SLC4A4: variants seen among roughly 807,000 people sequenced by gnomAD.
SLC4A4 encodes electrogenic sodium bicarbonate cotransporter 1.
Under a neutral mutation model 111.5 loss-of-function variants are expected in SLC4A4, and 27 were observed. The observed-to-expected ratio is 0.24, with a 90% CI of 0.18 to 0.33. The LOEUF (loss-of-function observed/expected upper bound fraction) is 0.33. Among genes scored for constraint, SLC4A4 ranks in the 10% least tolerant of loss-of-function variants. SLC4A4 has a pLI of 1.00. For missense variants in SLC4A4, 909 were observed against 1,315.5 expected (o/e 0.69, Z 4.78); for synonymous variants, 443 against 463.4 (o/e 0.96, Z 0.57).
chr4:71,547,810 C>T lies in SLC4A4; in HGVS notation c.2694+90C>T, dbSNP rs115369963. The T allele has an allele frequency of 3.4e-3, 3,794 of 1,112,494 alleles. 39 individuals carry two copies. Among genetic ancestry groups the T allele is most frequent in the South Asian group, 0.018 (1,484 of 80,980 alleles). The allele number at this position is 1,112,494 out of a possible 1,614,324, so 68.9% of individuals were successfully genotyped here. ...AGTGAAATTCCTCATGAGATATTTG[C>T]GAGATTCTCATCAGTTCTGTAACAC... On this transcript the variant is annotated intron_variant, in intron 20 of 25. Coordinates refer to ENST00000264485, the MANE Select transcript of SLC4A4 (RefSeq NM_001098484.3).
At chr4:71,175,747 T>TG (rs199650805) in intron 2 of SLC4A4, among the ~76,000 whole-genome samples, 12,552 of 152,218 alleles carry the variant, frequency 0.082, 585 homozygotes, top group African/African-American at 0.13. Context: ...ACTCCACCTC[T>TG]GGGGGCAGGG....
At chr4:71,233,045 A>G (rs1017010998) in intron 1 of SLC4A4, among the ~76,000 whole-genome samples, 1 of 152,176 alleles carries the variant, frequency 6.6e-6, no homozygotes, top group African/African-American at 2.4e-5. Flanking sequence ...TCCTCATTAA[A>G]CTGTCATCCT....
At chr4:71,106,214 C>T (rs1160489498) in intron 2 of SLC4A4, among the ~76,000 whole-genome samples, 1 of 149,908 alleles carries the variant, frequency 6.7e-6, no homozygotes, top group Non-Finnish European at 1.5e-5. Flanking sequence ...AAATCTAAAC[C>T]ACAATGAGCT....
At chr4:71,075,956 T>TATAA (rs1741801863) in intron 1 of SLC4A4, among the ~76,000 whole-genome samples, 2 of 125,904 alleles carry the variant, frequency 1.6e-5, no homozygotes, top group Non-Finnish European at 3.5e-5. Flanking sequence ...AGACTCCATC[T>TATAA]CTAAATAAAT....
intron 1 of SLC4A4, among the ~76,000 whole-genome samples, chr4:71,196,458 G>A (rs867981290): frequency 2.6e-5 from 4 of 152,028 alleles, no homozygotes; most frequent in African/African-American, 2.4e-5. Flanking sequence ...CACTCCAAAA[G>A]CATCAAAAGA....
At chr4:71,330,319 T>G (rs957593416) in intron 3 of SLC4A4, among the ~76,000 whole-genome samples, 1 of 152,170 alleles carries the variant, frequency 6.6e-6, no homozygotes, top group Non-Finnish European at 1.5e-5. Context: ...ATAAGTCTCA[T>G]AGAATGAGTT....
intron 1 of SLC4A4, among the ~76,000 whole-genome samples, chr4:71,088,594 G>A (rs1416731520): frequency 2.6e-5 from 4 of 152,016 alleles, no homozygotes; most frequent in Non-Finnish European, 4.4e-5. Flanking sequence ...TTTTTGGGCA[G>A]ACTTGGTGGT....
At chr4:71,090,420 C>T (rs553879132) in intron 1 of SLC4A4, among the ~76,000 whole-genome samples, 1 of 152,174 alleles carries the variant, frequency 6.6e-6, no homozygotes, top group African/African-American at 2.4e-5. Context: ...CACTTTCTGA[C>T]ACTCCCCAGT....
chr4:71,245,359 CAG>C (rs1720577705), intron 2 of SLC4A4, among the ~76,000 whole-genome samples: 1 of 152,096 alleles, frequency 6.6e-6, no homozygotes, highest in South Asian at 2.1e-4. Context: ...TGGATGGAGA[CAG>C]TGTCCCAAGA....
intron 9 of SLC4A4, among the ~76,000 whole-genome samples, chr4:71,448,409 A>C (rs995751435): frequency 6.6e-6 from 1 of 151,990 alleles, no homozygotes; most frequent in African/African-American, 2.4e-5. Context: ...GGGAATTCAA[A>C]TGTCTATATT....
At chr4:71,069,793 G>A (rs1194060512) in intron 1 of SLC4A4, among the ~76,000 whole-genome samples, 1 of 152,156 alleles carries the variant, frequency 6.6e-6, no homozygotes, top group Non-Finnish European at 1.5e-5. Context: ...AATGATAATT[G>A]TTAACCTCCC....
intron 6 of SLC4A4, among the ~76,000 whole-genome samples, chr4:71,361,641 T>C (rs1480081670): frequency 6.6e-6 from 1 of 152,246 alleles, no homozygotes. Flanking sequence ...TTGTTTTAGG[T>C]TGAACTATAT....
intron 7 of SLC4A4, among the ~76,000 whole-genome samples, chr4:71,429,485 G>A (rs1723452423): frequency 6.6e-6 from 1 of 152,072 alleles, no homozygotes; most frequent in African/African-American, 2.4e-5. Context: ...AGTAACTATA[G>A]CATCACTATA....
At chr4:71,220,115 G>A (rs1374854545) in intron 1 of SLC4A4, among the ~76,000 whole-genome samples, 1 of 152,190 alleles carries the variant, frequency 6.6e-6, no homozygotes, top group African/African-American at 2.4e-5. Context: ...GTAAAATGCT[G>A]TTCAACAGCA....
chr4:71,279,387 A>G (rs1560841511), intron 3 of SLC4A4, among the ~76,000 whole-genome samples: 10 of 152,098 alleles, frequency 6.6e-5, no homozygotes, highest in Admixed American at 5.2e-4. Flanking sequence ...AATATCCTCC[A>G]TGTTCATCTG....
chr4:71,294,397 T>G (rs2148830089), intron 3 of SLC4A4, among the ~76,000 whole-genome samples: 1 of 152,338 alleles, frequency 6.6e-6, no homozygotes, highest in South Asian at 2.1e-4. Context: ...TGGGTTGATG[T>G]AAGTTCATGT....
intron 3 of SLC4A4, among the ~76,000 whole-genome samples, chr4:71,312,597 G>A (rs910108167): frequency 2.6e-5 from 4 of 152,096 alleles, no homozygotes; most frequent in African/African-American, 4.8e-5. Context: ...CTTCATCCCT[G>A]GGATGCAAGG....
rs1719949167 is a variant in SLC4A4 at position 71,397,642 on chromosome 4, G to A, written c.796G>A (p.Glu266Lys). ...SSLNDISDKPEKDQLKNKFMK... is the reference protein window; with the variant it reads ...SSLNDISDKPKKDQLKNKFMK... ...TCTGAATGACATTTCTGATAAACCG[G>A]AGAAGGACCAGGTAAGCAAAAAATT... is the stretch of plus-strand genomic sequence containing the variant. Residue 266 changes from glutamate (E) to lysine (K), a missense_variant, in exon 7 of 26, where the codon GAG becomes AAG. This residue lies in a region of SLC4A4 where 312 missense variants were observed against 402.0 expected (regional missense o/e 0.78). Transcript: ENST00000264485. 6.2e-7 allele frequency: 1 copy of A among 1,613,948 alleles called. No individual in the cohort carries two copies. The highest frequency in any genetic ancestry group is 2.2e-5 in the East Asian group (1 of 44,868).
chr4:71,485,440 T>C (rs1394972091), intron 14 of SLC4A4, among the ~76,000 whole-genome samples: 3 of 151,744 alleles, frequency 2.0e-5, no homozygotes, highest in Non-Finnish European at 4.4e-5. Flanking sequence ...ATCACATTTA[T>C]TGATTTGCAT....
Sources: gnomAD v4.1 joint callset for allele counts (sites outside exome capture counted in the v4.1 genomes callset) on GRCh38, gnomAD v4.1.1 for gene constraint, gnomAD v4.1.1 regional missense constraint, MANE v1.5 for transcripts, NCBI Gene and HGNC (gene_info 2026-07-23, HGNC 2026-07-21) for gene names.